NNT: variants seen among roughly 807,000 people sequenced by gnomAD.
The protein encoded by NNT is NAD(P) transhydrogenase, mitochondrial.
Under a neutral mutation model 104.8 loss-of-function variants are expected in NNT, and 50 were observed. The observed-to-expected ratio is 0.48, with a 90% CI of 0.38 to 0.60. NNT has a LOEUF of 0.60. Among genes scored for constraint, NNT ranks in the 20% least tolerant of loss-of-function variants. The pLI is 0.00. For synonymous variants in NNT, 461 were observed against 490.4 expected (o/e 0.94, Z 0.79); for missense variants, 1,131 against 1,330.7 (o/e 0.85, Z 2.33).
intron 14 of NNT, among the ~76,000 whole-genome samples, chr5:43,655,516 A>G (rs1312456098): frequency 6.6e-6 from 1 of 152,256 alleles, no homozygotes; most frequent in Non-Finnish European, 1.5e-5. Flanking sequence ...GGCTATATAT[A>G]TATGAAACAT....
chr5:43,680,568 C>G (rs1250086542), intron 19 of NNT, among the ~76,000 whole-genome samples: 1 of 152,146 alleles, frequency 6.6e-6, no homozygotes, highest in Non-Finnish European at 1.5e-5. Context: ...TAGTTATACC[C>G]AAGTGGTGCC....
intron 16 of NNT, among the ~76,000 whole-genome samples, chr5:43,658,316 C>T (rs748945688): frequency 6.6e-6 from 1 of 151,988 alleles, no homozygotes; most frequent in African/African-American, 2.4e-5. Context: ...TGAATATGCT[C>T]TCATTGTAAC....
At chr5:43,630,659 G>T (rs1750628963) in intron 7 of NNT, among the ~76,000 whole-genome samples, 1 of 152,204 alleles carries the variant, frequency 6.6e-6, no homozygotes, top group Admixed American at 6.5e-5. Flanking sequence ...AAACCAATAA[G>T]TGTTTATTAA....
In NNT at chr5:43,645,460, C is replaced by G; in HGVS notation, c.1394C>G (p.Thr465Ser). ...VAELEAEKAATITPFRKTMST... is the reference protein window; with the variant it reads ...VAELEAEKAASITPFRKTMST... ...GAGCTGGAAGCTGAAAAAGCAGCTA[C>G]CATTACACCCTTCAGGAAGACAATG... The change falls in exon 10 of 22, where the codon ACC (threonine) becomes AGC (serine). Residue 465 changes from threonine (T) to serine (S), a missense_variant. Transcript: ENST00000344920. 1 of 1,573,238 alleles carries G rather than the reference C, an allele frequency of 6.4e-7. No homozygotes were observed. The highest frequency in any genetic ancestry group is 8.6e-7 in the Non-Finnish European group (1 of 1,158,538).
intron 6 of NNT, among the ~76,000 whole-genome samples, chr5:43,625,322 G>A (rs1750303348): frequency 6.6e-6 from 1 of 152,098 alleles, no homozygotes; most frequent in Admixed American, 6.5e-5. Flanking sequence ...AGAATCAACA[G>A]CTAGAATATG....
intron 5 of NNT, among the ~76,000 whole-genome samples, chr5:43,620,110 A>G (rs958954473): frequency 1.3e-5 from 2 of 152,164 alleles, no homozygotes; most frequent in Admixed American, 1.3e-4. Context: ...TCAAATGTCA[A>G]CATGAGTTTT....
intron 7 of NNT, among the ~76,000 whole-genome samples, chr5:43,643,752 G>A (rs1424951323): frequency 2.6e-5 from 4 of 152,174 alleles, no homozygotes; most frequent in Admixed American, 2.6e-4. Flanking sequence ...GTTCTGTTTT[G>A]TAATTCATAA....
chr5:43,633,938 G>C (rs1750810065), intron 7 of NNT, among the ~76,000 whole-genome samples: 1 of 152,174 alleles, frequency 6.6e-6, no homozygotes, highest in East Asian at 1.9e-4. Context: ...TCAGGAGATA[G>C]AATTAGGAAG....
rs11539647 is a variant in NNT at position 43,700,140 on chromosome 5, A to G, written c.2898A>G (p.Ala966=). Residue 966 remains alanine, a synonymous_variant, in exon 20 of 22, where the codon GCA becomes GCG. Coordinates refer to ENST00000344920, the MANE Select transcript of NNT (RefSeq NM_182977.3). ...CTAGGTTTGGAATTCACCCAGTTGC[A>G]GGCCGAATGCCTGGTCAGCTTAATG... ...KKVRFGIHPV[A]GRMPGQLNVL... is the part of the protein sequence containing the mutation. 4.3e-3 allele frequency: 6,946 copies of G among 1,612,362 alleles called. 268 individuals carry two copies. In the African/African-American group the frequency reaches 0.083, roughly 19 times the overall value.
In NNT at chr5:43,609,182, G is replaced by C; in HGVS notation, c.-14G>C. The C allele has an allele frequency of 1.3e-6, 2 of 1,597,398 alleles. No homozygotes were observed. Among genetic ancestry groups the C allele is most frequent in the Middle Eastern group, 3.3e-4 (2 of 5,978 alleles). On this transcript the variant is annotated 5_prime_UTR_variant, in exon 2 of 22. Coordinates refer to ENST00000344920, the MANE Select transcript of NNT (RefSeq NM_182977.3). ...GGAAACTGGGGAGTCAGAAAATTGG[G>C]AACTCATATCAACATGGCAAACCTA... is the stretch of plus-strand genomic sequence containing the variant.
chr5:43,670,092 A>T (rs960503065), intron 17 of NNT, among the ~76,000 whole-genome samples: 6 of 152,016 alleles, frequency 3.9e-5, no homozygotes, highest in Non-Finnish European at 7.4e-5. Flanking sequence ...GTATTCTCTG[A>T]TGGTAGTTTG....
At chr5:43,685,516 C>T (rs1379946817) in intron 19 of NNT, among the ~76,000 whole-genome samples, 1 of 151,982 alleles carries the variant, frequency 6.6e-6, no homozygotes, top group Non-Finnish European at 1.5e-5. Flanking sequence ...TGATCCTTGT[C>T]ACTATTTATA....
intron 7 of NNT, among the ~76,000 whole-genome samples, chr5:43,634,547 T>C (rs1750838016): frequency 6.6e-6 from 1 of 152,232 alleles, no homozygotes; most frequent in African/African-American, 2.4e-5. Context: ...ATTACTTTTT[T>C]TGTTATCTGA....
intron 5 of NNT, among the ~76,000 whole-genome samples, chr5:43,622,350 A>G (rs1349431675): frequency 6.6e-6 from 1 of 152,210 alleles, no homozygotes; most frequent in Non-Finnish European, 1.5e-5. Flanking sequence ...GGAAGGTTAT[A>G]TGAGTGAACA....
At chr5:43,633,313 G>T (rs1750776365) in intron 7 of NNT, among the ~76,000 whole-genome samples, 1 of 152,076 alleles carries the variant, frequency 6.6e-6, no homozygotes, top group Admixed American at 6.6e-5. Context: ...TTAGCTTTTG[G>T]GTCTGGTGTT....
intron 2 of NNT, among the ~76,000 whole-genome samples, chr5:43,611,478 A>G (rs1481041374): frequency 6.6e-6 from 1 of 152,184 alleles, no homozygotes. Flanking sequence ...CAGCTAAGTG[A>G]ACTTGAGATG....
chr5:43,626,794 G>A (rs1750388194), intron 6 of NNT, among the ~76,000 whole-genome samples: 1 of 149,730 alleles, frequency 6.7e-6, no homozygotes, highest in African/African-American at 2.4e-5. Flanking sequence ...ATATGTATGT[G>A]TATATATATG....
intron 18 of NNT, among the ~76,000 whole-genome samples, chr5:43,676,378 T>G (rs992835417): frequency 1.1e-4 from 17 of 152,246 alleles, no homozygotes; most frequent in African/African-American, 3.1e-4. Flanking sequence ...TCTACTGATT[T>G]GACATGTGAG....
chr5:43,629,766 G>A (rs1350311385), intron 7 of NNT, among the ~76,000 whole-genome samples: 1 of 152,076 alleles, frequency 6.6e-6, no homozygotes, highest in East Asian at 1.9e-4. Flanking sequence ...TTGGCCATTT[G>A]TATATCTTCT....
Sources: allele counts gnomAD v4.1 joint callset (sites outside exome capture counted in the v4.1 genomes callset), GRCh38; gene constraint gnomAD v4.1.1; transcripts MANE v1.5; gene names NCBI Gene and HGNC (gene_info 2026-07-23, HGNC 2026-07-21).